CA1: variants seen among roughly 807,000 people sequenced by gnomAD.
CA1 encodes carbonic anhydrase 1.
CA1 carries 27 observed loss-of-function variants against 28.8 expected under a neutral mutation model. That is an observed-to-expected ratio of 0.94 (90% CI 0.69 to 1.29). CA1 has a LOEUF of 1.29. Among genes scored for constraint, CA1 ranks in the 50% most tolerant of loss-of-function variants. The pLI is 0.00. For missense variants in CA1, 335 were observed against 310.5 expected (o/e 1.08, Z -0.59); for synonymous variants, 121 against 108.8 (o/e 1.11, Z -0.70).
intron 1 of CA1, among the ~76,000 whole-genome samples, chr8:85,344,123 A>ATATTATTTTT (rs1172632377): frequency 1.3e-4 from 18 of 138,722 alleles, no homozygotes; most frequent in Non-Finnish European, 2.8e-4. Context: ...TATATATAAA[A>ATATTATTTTT]TTTAAATTTA....
chr8:85,362,994 C>T (rs1038470186), intron 1 of CA1, among the ~76,000 whole-genome samples: 13 of 152,214 alleles, frequency 8.5e-5, no homozygotes, highest in East Asian at 5.8e-4. Context: ...CACAATAGCA[C>T]GAAAGAAAGT....
intron 6 of CA1, among the ~76,000 whole-genome samples, chr8:85,330,606 T>G (rs570552671): frequency 6.6e-6 from 1 of 152,272 alleles, no homozygotes; most frequent in Non-Finnish European, 1.5e-5. Context: ...TCTAGGTAAA[T>G]TCTTTATCAA....
chr8:85,369,798 G>T (rs547246294), intron 1 of CA1, among the ~76,000 whole-genome samples: 1 of 152,200 alleles, frequency 6.6e-6, no homozygotes, highest in African/African-American at 2.4e-5. Context: ...CATCCCTTAC[G>T]CCTGTTACCC....
At position 85,328,623 on chromosome 8, in the gene CA1, G is replaced by A. The variant is rs1432864026; in HGVS notation, c.723C>T (p.Pro241=). 1 of 1,611,816 alleles carries A rather than the reference G, an allele frequency of 6.2e-7. No homozygotes were observed. The highest frequency in any genetic ancestry group is 8.5e-7 in the Non-Finnish European group (1 of 1,178,394). Reference sequence around the variant, plus strand: ...GGGTTGGGCGGTTGTTGTGCTGCATGGGGACAGCGTTATCACCTTCAACAT... The same window carrying A: ...GGGTTGGGCGGTTGTTGTGCTGCATAGGGACAGCGTTATCACCTTCAACAT... The part of the protein sequence containing the change: ...LSNVEGDNAV[P]MQHNNRPTQP... Residue 241 remains proline, a synonymous_variant, in exon 8 of 8, where the codon CCC becomes CCT. Coordinates refer to ENST00000523022, the MANE Select transcript of CA1 (RefSeq NM_001128831.4).
chr8:85,356,166 A>T (rs1477276406), intron 1 of CA1, among the ~76,000 whole-genome samples: 1 of 152,206 alleles, frequency 6.6e-6, no homozygotes. Context: ...TGTTGGTAAG[A>T]ATAAAATACC....
At chr8:85,344,314 T>TAC (rs1333163615) in intron 1 of CA1, among the ~76,000 whole-genome samples, 27 of 29,746 alleles carry the variant, frequency 9.1e-4, no homozygotes, top group Admixed American at 5.3e-3. Flanking sequence ...TTATATATTA[T>TAC]ACAGTATATA....
intron 1 of CA1, among the ~76,000 whole-genome samples, chr8:85,362,378 G>A (rs532543333): frequency 2.6e-5 from 4 of 152,290 alleles, no homozygotes; most frequent in South Asian, 4.1e-4. Context: ...TATGGACATT[G>A]TTGGGGCCAA....
intron 1 of CA1, among the ~76,000 whole-genome samples, chr8:85,346,286 G>A (rs576424335): frequency 5.4e-4 from 82 of 152,144 alleles, no homozygotes; most frequent in African/African-American, 1.9e-3. Flanking sequence ...CTGCATGAAT[G>A]GATAACTTGG....
chr8:85,328,815 C>A (rs1426806128), intron 7 of CA1, 139 bp from the exon 8 acceptor site: 17 of 477,384 alleles, frequency 3.6e-5, no homozygotes, highest in Non-Finnish European at 4.4e-5. Context: ...AGAGAGAAAG[C>A]CCCAAATCCT....
intron 1 of CA1, among the ~76,000 whole-genome samples, chr8:85,359,265 G>A (rs911703600): frequency 1.3e-5 from 2 of 152,108 alleles, no homozygotes; most frequent in Non-Finnish European, 2.9e-5. Context: ...AGCTTTTGAG[G>A]CAAGAAAGGC....
At chr8:85,354,259 G>A (rs1281854913) in intron 1 of CA1, among the ~76,000 whole-genome samples, 1 of 151,152 alleles carries the variant, frequency 6.6e-6, no homozygotes, top group Non-Finnish European at 1.5e-5. Context: ...ATAGGTGTGA[G>A]CTACTGTGCC....
chr8:85,363,047 C>T (rs1159241432), intron 1 of CA1, among the ~76,000 whole-genome samples: 3 of 152,144 alleles, frequency 2.0e-5, no homozygotes, highest in Admixed American at 2.0e-4. Flanking sequence ...GTTAAGTCTA[C>T]ATAGGTTTGC....
At chr8:85,347,952 T>G (rs945409364) in intron 1 of CA1, among the ~76,000 whole-genome samples, 1 of 152,196 alleles carries the variant, frequency 6.6e-6, no homozygotes, top group Non-Finnish European at 1.5e-5. Flanking sequence ...TGAAGTGATG[T>G]ATAATTATAA....
At chr8:85,349,789 C>CTACATT (rs1174586526) in intron 1 of CA1, 1 of 152,182 alleles carries the variant, frequency 6.6e-6, no homozygotes, top group Non-Finnish European at 1.5e-5. Flanking sequence ...AATGCATATT[C>CTACATT]TACATTTCCA....
At chr8:85,328,937 T>G (rs1808285127) in intron 7 of CA1, among the ~76,000 whole-genome samples, 1 of 152,150 alleles carries the variant, frequency 6.6e-6, no homozygotes, top group Non-Finnish European at 1.5e-5. Context: ...ATTGATTTAA[T>G]TATTGATGAC....
chr8:85,357,506 A>G (rs1186277757), intron 1 of CA1, among the ~76,000 whole-genome samples: 1 of 152,234 alleles, frequency 6.6e-6, no homozygotes, highest in African/African-American at 2.4e-5. Flanking sequence ...TGGTACTTAC[A>G]GTATGATTGA....
At chr8:85,330,741 G>T (rs1212498327) in intron 6 of CA1, among the ~76,000 whole-genome samples, 3 of 152,088 alleles carry the variant, frequency 2.0e-5, no homozygotes, top group Non-Finnish European at 1.5e-5. Flanking sequence ...CCTTTAACTA[G>T]TTAATATAAT....
rs534459368 is a variant in CA1 at position 85,354,688 on chromosome 8, G to A, written c.-24-13029C>T. Among the ~76,000 whole-genome samples, 14 of 152,286 alleles carry A rather than the reference G, an allele frequency of 9.2e-5. No individual in the cohort carries two copies. The East Asian group carries it at 2.5e-3, about 27-fold the overall frequency. On this transcript the variant is annotated intron_variant, in intron 1 of 7. Transcript: ENST00000523022. ...ACTGAAGGGTGTGTGTGGTGGTGGC[G>A]AGGCAGGAGCAGTCTCATTGTCTTT...
intron 2 of CA1, among the ~76,000 whole-genome samples, chr8:85,339,473 C>T (rs1216520262): frequency 6.6e-6 from 1 of 152,136 alleles, no homozygotes; most frequent in Non-Finnish European, 1.5e-5. Flanking sequence ...CCATCTATCT[C>T]CCTCTCTGTA....
Sources: gnomAD v4.1 joint callset for allele counts (sites outside exome capture counted in the v4.1 genomes callset) on GRCh38, gnomAD v4.1.1 for gene constraint, MANE v1.5 for transcripts, NCBI Gene and HGNC (gene_info 2026-07-23, HGNC 2026-07-21) for gene names.